Variants in MAP2K6 observed in about 807,000 individuals in gnomAD.
The protein encoded by MAP2K6 is dual specificity mitogen-activated protein kinase kinase 6.
Under a neutral mutation model 53.7 loss-of-function variants are expected in MAP2K6, and 16 were observed. That is an observed-to-expected ratio of 0.30 (90% confidence interval 0.20 to 0.45). The LOEUF (loss-of-function observed/expected upper bound fraction) is 0.45, where lower values mean the gene tolerates loss of function less well. Among genes scored for constraint, MAP2K6 ranks in the 20% least tolerant of loss-of-function variants. The pLI is 1.00. For missense variants in MAP2K6, 204 were observed against 411.9 expected (o/e 0.50, Z 4.37); for synonymous variants, 132 against 143.1 (o/e 0.92, Z 0.55).
Position 69,481,535 on chromosome 17 carries a change from T to TAC in MAP2K6, c.17-24245_17-24244insAC, listed in dbSNP as rs1303544170. On this transcript the variant is annotated intron_variant, in intron 1 of 11. Transcript: ENST00000590474. ...GGCTGTCATAACAGAGTCCCTAGAC[T>TAC]GAGTGACTTAAATAACAGAAATTTA... is the stretch of plus-strand genomic sequence containing the variant. 2.6e-5 allele frequency among the ~76,000 whole-genome samples: 4 copies of TAC among 152,322 alleles called. No homozygotes were observed. The East Asian group carries it at 7.7e-4, about 29-fold the overall frequency.
chr17:69,461,351 G>A (rs1207574140), intron 1 of MAP2K6, among the ~76,000 whole-genome samples: 2 of 152,130 alleles, frequency 1.3e-5, no homozygotes, highest in Admixed American at 6.5e-5. Flanking sequence ...CCAGCAGCAC[G>A]TGGTCCCGAT....
At chr17:69,427,961 A>T (rs556661808) in intron 1 of MAP2K6, among the ~76,000 whole-genome samples, 1 of 152,206 alleles carries the variant, frequency 6.6e-6, no homozygotes, top group East Asian at 1.9e-4. Context: ...ATGTAACCCT[A>T]TCTAAGGACA....
At chr17:69,425,657 C>T (rs541110677) in intron 1 of MAP2K6, among the ~76,000 whole-genome samples, 75 of 152,308 alleles carry the variant, frequency 4.9e-4, no homozygotes, top group Middle Eastern at 3.4e-3. Flanking sequence ...CAAAGCAGAA[C>T]AGCTATACCT....
intron 1 of MAP2K6, among the ~76,000 whole-genome samples, chr17:69,431,351 ATG>A (rs1906456161): frequency 6.7e-6 from 1 of 148,724 alleles, no homozygotes; most frequent in South Asian, 2.1e-4. Context: ...GCATATAATT[ATG>A]TCTTATAATT....
chr17:69,487,222 A>T (rs556089297), intron 1 of MAP2K6, among the ~76,000 whole-genome samples: 1 of 152,314 alleles, frequency 6.6e-6, no homozygotes, highest in East Asian at 1.9e-4. Context: ...CAGACTTGTG[A>T]TGAAGAGTAA....
Position 69,491,533 on chromosome 17 carries a change from G to A in MAP2K6, c.17-14247G>A, listed in dbSNP as rs114931117. On this transcript the variant is annotated intron_variant, in intron 1 of 11. Coordinates refer to ENST00000590474, the MANE Select transcript of MAP2K6 (RefSeq NM_002758.4). ...GAATAGTGCTGCAGTGAACATATAT[G>A]TGTATGTGTCTTTATGGTAGAATGA... Among the ~76,000 whole-genome samples the A allele has an allele frequency of 2.0e-3, 307 of 152,222 alleles. 1 individual carries two copies. The highest frequency in any genetic ancestry group is 7.2e-3 in the African/African-American group (297 of 41,532).
Position 69,553,528 on chromosome 17 carries a change from C to T in MAP2K6, c.*11775C>T, listed in dbSNP as rs1912178369. ...CGTTGACTTCCTATCTCAGGATATTCTTCAGTTTCATACTGCTGAGGAGAA... is the reference window on the plus strand; with the variant it reads ...CGTTGACTTCCTATCTCAGGATATTTTTCAGTTTCATACTGCTGAGGAGAA... On this transcript the variant is annotated 3_prime_UTR_variant, in exon 12 of 12. Transcript: ENST00000590474. 1 of 152,206 alleles carries T rather than the reference C, an allele frequency of 6.6e-6. No homozygotes were observed. Among genetic ancestry groups the T allele is most frequent in the Non-Finnish European group, 1.5e-5 (1 of 68,038 alleles). The allele number at this position is 152,206 out of a possible 1,614,324, so 9.4% of individuals were successfully genotyped here.
chr17:69,519,861 G>C (rs1020624557), intron 5 of MAP2K6: 3 of 220,362 alleles, frequency 1.4e-5, no homozygotes, highest in Non-Finnish European at 2.7e-5. Flanking sequence ...GGATTATGAG[G>C]CTTCACCTCA....
At chr17:69,523,964 A>G (rs891565770) in intron 8 of MAP2K6, among the ~76,000 whole-genome samples, 1 of 152,158 alleles carries the variant, frequency 6.6e-6, no homozygotes, top group African/African-American at 2.4e-5. Flanking sequence ...ATGAGGGCTC[A>G]CGTTTCTCAG....
chr17:69,539,776 T>C (rs184176447), intron 11 of MAP2K6, among the ~76,000 whole-genome samples: 3 of 152,190 alleles, frequency 2.0e-5, no homozygotes, highest in African/African-American at 7.2e-5. Flanking sequence ...CCTGTTTTGA[T>C]AGTAAAAAGC....
intron 1 of MAP2K6, among the ~76,000 whole-genome samples, chr17:69,424,221 A>G (rs1340788586): frequency 6.6e-6 from 1 of 152,054 alleles, no homozygotes; most frequent in African/African-American, 2.4e-5. Flanking sequence ...TTTAGGAGAG[A>G]AGGTTTTGAT....
chr17:69,485,574 C>T (rs1332218294), intron 1 of MAP2K6: 2 of 437,868 alleles, frequency 4.6e-6, no homozygotes, highest in Admixed American at 6.4e-5. Flanking sequence ...GCTTAGGACC[C>T]CATGGGAAAT....
At chr17:69,478,922 C>T (rs573444076) in intron 1 of MAP2K6, among the ~76,000 whole-genome samples, 31 of 152,138 alleles carry the variant, frequency 2.0e-4, no homozygotes, top group African/African-American at 7.2e-4. Flanking sequence ...CAGAGCCAGC[C>T]GTGAGCTAGC....
chr17:69,491,756 TC>T (rs1456546784), intron 1 of MAP2K6, among the ~76,000 whole-genome samples: 10 of 150,864 alleles, frequency 6.6e-5, no homozygotes, highest in South Asian at 2.1e-4. Context: ...TTATTATTAT[TC>T]ACTTTTGAAT....
chr17:69,548,604 C>A lies in MAP2K6; in HGVS notation c.*6851C>A, dbSNP rs1380372768. On this transcript the variant is annotated 3_prime_UTR_variant, in exon 12 of 12. Transcript: ENST00000590474. The stretch of plus-strand genomic sequence containing the variant: ...TTGAAGTATTTGATCCAGCAACTTA[C>A]CTAAAAGAATGTTTGCTCTTCACCT... 1 of 152,156 alleles carries A rather than the reference C, an allele frequency of 6.6e-6. No homozygotes were observed. Among genetic ancestry groups the A allele is most frequent in the Non-Finnish European group, 1.5e-5 (1 of 68,024 alleles). 9.4% of individuals were successfully genotyped at this position (152,156 alleles called of 1,614,324 possible). A position where few individuals can be genotyped will look rare whatever the true frequency, so the allele number is the denominator to read the frequency against.
chr17:69,459,349 T>C (rs1907533515), intron 1 of MAP2K6, among the ~76,000 whole-genome samples: 1 of 152,190 alleles, frequency 6.6e-6, no homozygotes, highest in Admixed American at 6.5e-5. Flanking sequence ...GTCATTATCT[T>C]TCCTTTGAGA....
intron 10 of MAP2K6, among the ~76,000 whole-genome samples, chr17:69,531,008 T>G (rs1459238477): frequency 1.3e-5 from 2 of 152,156 alleles, no homozygotes; most frequent in Non-Finnish European, 2.9e-5. Context: ...TCTTTTATTT[T>G]TCTCATGAAT....
chr17:69,529,448 T>C (rs1041035831), intron 10 of MAP2K6, among the ~76,000 whole-genome samples: 4 of 152,074 alleles, frequency 2.6e-5, no homozygotes, highest in Non-Finnish European at 5.9e-5. Flanking sequence ...AATCAGAGCA[T>C]TGAAACTTTT....
chr17:69,525,116 A>G (rs1218146787), intron 9 of MAP2K6, 138 bp downstream of exon 9: 3 of 593,842 alleles, frequency 5.1e-6, no homozygotes, highest in Non-Finnish European at 9.2e-6. Context: ...GGAGATTTTG[A>G]GTAATAATTG....
Sources: allele counts gnomAD v4.1 joint callset (sites outside exome capture counted in the v4.1 genomes callset), GRCh38; gene constraint gnomAD v4.1.1; transcripts MANE v1.5; gene names NCBI Gene and HGNC (gene_info 2026-07-23, HGNC 2026-07-21).